Variants in CLMN observed in about 807,000 individuals in gnomAD.
CLMN encodes the protein calmin.
A neutral mutation model predicts 92.7 loss-of-function variants in CLMN; 57 were observed. That is an observed-to-expected ratio of 0.61 (90% CI 0.50 to 0.77). The LOEUF (loss-of-function observed/expected upper bound fraction) is 0.77, where lower values mean the gene tolerates loss of function less well. Among genes scored for constraint, CLMN ranks in the 30% least tolerant of loss-of-function variants. The pLI is 0.00. For synonymous variants in CLMN, 466 were observed against 470.6 expected, an observed-to-expected ratio of 0.99 and a Z score of 0.13; for missense variants, 1,158 against 1,237.5, an observed-to-expected ratio of 0.94 and a Z score of 0.96.
intron 1 of CLMN, among the ~76,000 whole-genome samples, chr14:95,235,052 G>C (rs1182263416): frequency 1.3e-5 from 2 of 152,140 alleles, no homozygotes; most frequent in African/African-American, 4.8e-5. Context: ...GAAAAGCATA[G>C]AGAAAAATAT....
Position 95,203,480 on chromosome 14 carries a change from T to C in CLMN, c.1869A>G (p.Gln623=), listed in dbSNP as rs756064763. The change falls in exon 9 of 13, where the codon CAA becomes CAG. Residue 623 remains glutamine, a synonymous_variant. Coordinates refer to ENST00000298912, the MANE Select transcript of CLMN (RefSeq NM_024734.4). The stretch of plus-strand genomic sequence containing the variant: ...GAGGTTCATGTTTGTCCATCTTAAC[T>C]TGAGGCTCTGGCGAATCCTTCTTTT... ...AHKKKDSPEP[Q]VKMDKHEPHQ... is the part of the protein sequence containing the mutation. 6.2e-7 allele frequency: 1 copy of C among 1,614,206 alleles called. No homozygotes were observed. Among genetic ancestry groups the C allele is most frequent in the Non-Finnish European group, 8.5e-7 (1 of 1,180,044 alleles).
intron 1 of CLMN, among the ~76,000 whole-genome samples, chr14:95,273,473 C>T (rs1464829875): frequency 1.3e-5 from 2 of 152,124 alleles, no homozygotes; most frequent in African/African-American, 2.4e-5. Context: ...AGCCAACTTC[C>T]GTCATCTGAT....
intron 5 of CLMN, among the ~76,000 whole-genome samples, chr14:95,214,329 T>C (rs573137694): frequency 6.7e-6 from 1 of 149,808 alleles, no homozygotes; most frequent in African/African-American, 2.5e-5. Flanking sequence ...GTATAACACA[T>C]GGTGGCTGCT....
At chr14:95,224,668 G>T (rs1897656620) in intron 2 of CLMN, among the ~76,000 whole-genome samples, 1 of 152,148 alleles carries the variant, frequency 6.6e-6, no homozygotes, top group African/African-American at 2.4e-5. Flanking sequence ...GTTTGGTATT[G>T]TCCTGTTTCC....
chr14:95,294,830 A>T lies in CLMN; in HGVS notation c.82+24881T>A, dbSNP rs1488383468. ...GTGGGGTGGAGGGGCCACATCACTT[A>T]TTCCTCTGCTGCCTCCTACTCTTGC... On this transcript the variant is annotated intron_variant, in intron 1 of 12. Transcript: ENST00000298912. The surrounding 1 kb of genome is among the most constrained non-coding windows in gnomAD (Gnocchi z 4.2). 1.3e-5 allele frequency among the ~76,000 whole-genome samples: 2 copies of T among 152,138 alleles called. No homozygotes were observed. Among genetic ancestry groups the T allele is most frequent in the African/African-American group, 4.8e-5 (2 of 41,430 alleles).
At chr14:95,295,611 A>T (rs995699093) in intron 1 of CLMN, among the ~76,000 whole-genome samples, 1 of 152,210 alleles carries the variant, frequency 6.6e-6, no homozygotes, top group Non-Finnish European at 1.5e-5. Flanking sequence ...TCTGGGCTAA[A>T]AGAGCACTTA....
chr14:95,311,204 C>T (rs778792767), intron 1 of CLMN, among the ~76,000 whole-genome samples: 19 of 152,130 alleles, frequency 1.2e-4, no homozygotes, highest in South Asian at 2.1e-4. Flanking sequence ...AGGTCACCTC[C>T]GAGCCCCCTC....
rs558123297 is a variant in CLMN at position 95,252,894 on chromosome 14, A to G, written c.83-22761T>C. ...GGAGCTTTGCATCGGGAACCCTTCC[A>G]GTCTTGCCCTACGCATCTCTTGCTT... On this transcript the variant is annotated intron_variant, in intron 1 of 12. Transcript: ENST00000298912. 2.6e-5 allele frequency among the ~76,000 whole-genome samples: 4 copies of G among 152,318 alleles called. No individual in the cohort carries two copies. In the East Asian group the frequency reaches 7.7e-4, roughly 29 times the overall value.
At chr14:95,227,044 G>A (rs185499592) in intron 2 of CLMN, among the ~76,000 whole-genome samples, 5 of 152,208 alleles carry the variant, frequency 3.3e-5, no homozygotes, top group East Asian at 1.9e-4. Context: ...ATGGGGCATG[G>A]AGCTCCTGAT....
At chr14:95,242,250 C>CTTTTTTTTTTTTTTTTTTTTTTTTT (rs371417505) in intron 1 of CLMN, among the ~76,000 whole-genome samples, 1 of 92,594 alleles carries the variant, frequency 1.1e-5, no homozygotes, top group Non-Finnish European at 2.3e-5. Context: ...TTTTCTTTTT[C>CTTTTTTTTTTTTTTTTTTTTTTTTT]TTTTTTTTTT....
intron 1 of CLMN, among the ~76,000 whole-genome samples, chr14:95,278,136 G>C (rs1900004013): frequency 6.6e-6 from 1 of 152,136 alleles, no homozygotes; most frequent in South Asian, 2.1e-4. Context: ...ACACCTTTTT[G>C]AAAGTACCTC....
At chr14:95,297,523 G>A (rs572539425) in intron 1 of CLMN, among the ~76,000 whole-genome samples, 12 of 152,098 alleles carry the variant, frequency 7.9e-5, no homozygotes, top group African/African-American at 2.9e-4. Context: ...CCTCTTCCCC[G>A]ACTCCCAGCC....
chr14:95,313,532 A>G (rs1901632137), intron 1 of CLMN, among the ~76,000 whole-genome samples: 1 of 152,246 alleles, frequency 6.6e-6, no homozygotes, highest in Non-Finnish European at 1.5e-5. Context: ...AAAGTAGGAA[A>G]AGAAGACCTG....
intron 7 of CLMN, 54 bp from the exon 8 acceptor site, chr14:95,209,531 T>C: frequency 1.4e-6 from 2 of 1,382,652 alleles, no homozygotes; most frequent in South Asian, 2.3e-5. Flanking sequence ...ACGCTTTCAA[T>C]AGTATTCCCG....
rs1595539783 is a variant in CLMN, at chr14:95,183,834, T to C, written c.*7730A>G. Reference sequence around the variant, plus strand: ...TTCTGCTACTTACTAGTTCACGCTATGACCTTATTTTTCTGTCCTGTGCTT... The same window carrying C: ...TTCTGCTACTTACTAGTTCACGCTACGACCTTATTTTTCTGTCCTGTGCTT... On this transcript the variant is annotated 3_prime_UTR_variant, in exon 13 of 13. Coordinates refer to ENST00000298912, the MANE Select transcript of CLMN (RefSeq NM_024734.4). 6.6e-6 allele frequency: 1 copy of C among 152,378 alleles called. No individual in the cohort carries two copies. The highest frequency in any genetic ancestry group is 2.1e-4 in the South Asian group (1 of 4,832). 9.4% of individuals were successfully genotyped at this position (152,378 alleles called of 1,614,324 possible).
intron 12 of CLMN, among the ~76,000 whole-genome samples, chr14:95,193,600 C>CT (rs1286212714): frequency 7.9e-5 from 12 of 152,312 alleles, no homozygotes; most frequent in African/African-American, 2.9e-4. Context: ...GAACCCAGAC[C>CT]CGTCTTTAAA....
At chr14:95,274,840 T>A (rs1884533) in intron 1 of CLMN, among the ~76,000 whole-genome samples, 5 of 151,964 alleles carry the variant, frequency 3.3e-5, no homozygotes, top group African/African-American at 9.6e-5. Flanking sequence ...TTAGCTGGGC[T>A]TGGTGGCAGG....
chr14:95,292,164 A>G (rs1436876496), intron 1 of CLMN, among the ~76,000 whole-genome samples: 1 of 152,172 alleles, frequency 6.6e-6, no homozygotes, highest in Non-Finnish European at 1.5e-5. Flanking sequence ...AACACCCTCT[A>G]CACCATTTAT....
Position 95,245,194 on chromosome 14 carries a change from A to T in CLMN, c.83-15061T>A, listed in dbSNP as rs866183231. Among the ~76,000 whole-genome samples, 118 of 35,490 alleles carry T rather than the reference A, an allele frequency of 3.3e-3. 8 individuals are homozygous for T. Among genetic ancestry groups the T allele is most frequent in the African/African-American group, 5.7e-3 (41 of 7,162 alleles). The allele number at this position is 35,490 out of a possible 152,430, so 23.3% of individuals were successfully genotyped here. ...TTATATTATATATATATATATATATAATATATATATATATTATATATATAT... is the reference window on the plus strand; with the variant it reads ...TTATATTATATATATATATATATATTATATATATATATATTATATATATAT... On this transcript the variant is annotated intron_variant, in intron 1 of 12. Coordinates refer to ENST00000298912, the MANE Select transcript of CLMN (RefSeq NM_024734.4).
Sources: allele counts gnomAD v4.1 joint callset (sites outside exome capture counted in the v4.1 genomes callset), GRCh38; gene constraint gnomAD v4.1.1; non-coding constraint Gnocchi (gnomAD v3.1); transcripts MANE v1.5; gene names NCBI Gene and HGNC (gene_info 2026-07-23, HGNC 2026-07-21).